Variants in MIGA2 observed in about 807,000 individuals in gnomAD.
MIGA2 encodes the protein mitoguardin 2.
MIGA2 carries 36 observed loss-of-function variants against 69.9 expected under a neutral mutation model. The ratio of observed to expected loss-of-function variants is 0.52; its 90% CI spans 0.39 to 0.68. The LOEUF (loss-of-function observed/expected upper bound fraction) is 0.68. Among genes scored for constraint, MIGA2 ranks in the 30% least tolerant of loss-of-function variants. The probability of loss-of-function intolerance (pLI) is 0.00; values close to 1 mark genes in which losing one functional copy is unlikely to be tolerated. For missense variants in MIGA2, 660 were observed against 787.7 expected (o/e 0.84, Z 1.94); for synonymous variants, 333 against 349.2 (o/e 0.95, Z 0.52).
chr9:129,053,526 G>T (rs931560562), intron 6 of MIGA2, among the ~76,000 whole-genome samples: 1 of 151,932 alleles, frequency 6.6e-6, no homozygotes, highest in Non-Finnish European at 1.5e-5. Flanking sequence ...ACCACGCCCG[G>T]CTAATTTTTT....
At chr9:129,065,735 C>T (rs775201076) in intron 11 of MIGA2, among the ~76,000 whole-genome samples, 20 of 152,128 alleles carry the variant, frequency 1.3e-4, no homozygotes, top group Admixed American at 9.2e-4. Context: ...CTGGAAGCCC[C>T]CCACACCACT....
chr9:129,040,582 C>A lies in MIGA2; in HGVS notation c.-13C>A, dbSNP rs773937481. On this transcript the variant is annotated 5_prime_UTR_variant, in exon 2 of 16. Transcript: ENST00000684074. ...TTGGCCCTGAGGACTTTGCCTGGGG[C>A]ATTGGCCCTGCCATGGCGTTCCGGA... 61 of 1,607,832 alleles carry A rather than the reference C, an allele frequency of 3.8e-5. 1 individual carries two copies. The South Asian group carries it at 6.7e-4, about 18-fold the overall frequency.
intron 11 of MIGA2, among the ~76,000 whole-genome samples, chr9:129,064,671 T>C (rs1446919692): frequency 1.3e-5 from 2 of 152,168 alleles, no homozygotes; most frequent in Non-Finnish European, 2.9e-5. Context: ...TTTGCTGCCC[T>C]GTGAGCTTCG....
intron 4 of MIGA2, 96 bp downstream of exon 4, chr9:129,048,635 T>A: frequency 1.1e-6 from 1 of 908,412 alleles, no homozygotes; most frequent in Non-Finnish European, 1.8e-6. Flanking sequence ...GTAGAGTCCA[T>A]TCATTCATTC....
rs566610223 is a variant in MIGA2 at position 129,071,378 on chromosome 9, A to G, written c.*925A>G. The G allele has an allele frequency of 7.2e-5, 11 of 152,368 alleles. No homozygotes were observed. The South Asian group carries it at 2.3e-3, about 32-fold the overall frequency. 9.4% of individuals were successfully genotyped at this position (152,368 alleles called of 1,614,324 possible). A position where few individuals can be genotyped will look rare whatever the true frequency, so the allele number is the denominator to read the frequency against. On this transcript the variant is annotated 3_prime_UTR_variant, in exon 16 of 16. Coordinates refer to ENST00000684074, the MANE Select transcript of MIGA2 (RefSeq NM_001329990.2). ...AACGCACAAACGCTCCTGGGGCCTC[A>G]TGGGGGCAGAGCCTCCCCTGGGCCT...
chr9:129,045,361 G>C (rs983301189), intron 3 of MIGA2, among the ~76,000 whole-genome samples: 2 of 139,350 alleles, frequency 1.4e-5, no homozygotes, highest in African/African-American at 5.4e-5. Context: ...AGGATCGCTT[G>C]AACCCGGGAG....
chr9:129,056,089 T>G (rs1024227115), intron 6 of MIGA2, among the ~76,000 whole-genome samples: 1 of 146,004 alleles, frequency 6.8e-6, no homozygotes, highest in African/African-American at 2.6e-5. Flanking sequence ...ATCTCATCAC[T>G]GCACTGTAGC....
chr9:129,054,446 A>T (rs1845696696), intron 6 of MIGA2, among the ~76,000 whole-genome samples: 1 of 152,216 alleles, frequency 6.6e-6, no homozygotes, highest in African/African-American at 2.4e-5. Flanking sequence ...CAATAGAGTG[A>T]GACCCTGTCT....
intron 6 of MIGA2, among the ~76,000 whole-genome samples, 176 bp from the exon 7 acceptor site, chr9:129,058,978 G>C (rs944502901): frequency 4.6e-5 from 7 of 152,238 alleles, no homozygotes; most frequent in Admixed American, 4.6e-4. Context: ...CCAGTGCTCA[G>C]CTGCCAGAAG....
intron 6 of MIGA2, among the ~76,000 whole-genome samples, chr9:129,058,402 CAAA>C (rs566828123): frequency 1.7e-4 from 10 of 58,326 alleles, no homozygotes; most frequent in Non-Finnish European, 1.5e-4. Context: ...GACCTTGTCT[CAAA>C]AAAAAAAAAA....
chr9:129,057,763 G>A (rs1038197690), intron 6 of MIGA2, among the ~76,000 whole-genome samples: 1 of 151,860 alleles, frequency 6.6e-6, no homozygotes, highest in Non-Finnish European at 1.5e-5. Flanking sequence ...ACGCCACCAC[G>A]CCCACCTAAT....
intron 1 of MIGA2, among the ~76,000 whole-genome samples, chr9:129,038,819 A>G (rs1274028372): frequency 2.6e-5 from 3 of 113,720 alleles, no homozygotes; most frequent in African/African-American, 3.6e-5. Context: ...TTTTTGTGGC[A>G]GAGTCTCGCT....
At chr9:129,051,272 A>ATTTTT (rs1350946617) in intron 6 of MIGA2, 1 of 174,690 alleles carries the variant, frequency 5.7e-6, no homozygotes, top group African/African-American at 2.7e-5. Context: ...TTATTTATTT[A>ATTTTT]TTTATTTATT....
At chr9:129,037,839 T>C (rs17485800) in intron 1 of MIGA2, among the ~76,000 whole-genome samples, 7,352 of 152,230 alleles carry the variant, frequency 0.048, 237 homozygotes, top group African/African-American at 0.095. Flanking sequence ...GCCACAGCCT[T>C]GAGATCCCCC....
chr9:129,063,067 C>G lies in MIGA2; in HGVS notation c.1011-177C>G, dbSNP rs950868588. On this transcript the variant is annotated intron_variant, in intron 9 of 15. Coordinates refer to ENST00000684074, the MANE Select transcript of MIGA2 (RefSeq NM_001329990.2). ...CATCCAGGCAGCCTCGTCCTTTGGC[C>G]TGGGAAGACCAAGGCCTCAAGGGAG... 2.6e-4 allele frequency: 161 copies of G among 627,868 alleles called. 1 individual carries two copies. In the South Asian group the frequency reaches 3.1e-3, roughly 12 times the overall value. The allele number at this position is 627,868 out of a possible 1,614,324, so 38.9% of individuals were successfully genotyped here.
rs1455278974 is a variant in MIGA2 at position 129,070,501 on chromosome 9, C to T, written c.*48C>T. 2 of 1,465,584 alleles carry T rather than the reference C, an allele frequency of 1.4e-6. No homozygotes were observed. The highest frequency in any genetic ancestry group is 2.4e-5 in the Admixed American group (1 of 42,018). The allele number at this position is 1,465,584 out of a possible 1,614,324, so 90.8% of individuals were successfully genotyped here. A position where few individuals can be genotyped will look rare whatever the true frequency, so the allele number is the denominator to read the frequency against. On this transcript the variant is annotated 3_prime_UTR_variant, in exon 16 of 16. Transcript: ENST00000684074. ...GCAGAGAGAAGGCTCCTCCTCCCTT[C>T]CCTGGGTTGGTATCTGACAGCTGTG...
rs751264954 is a variant in MIGA2, at chr9:129,042,466, G to A, written c.259G>A (p.Val87Met). The A allele has an allele frequency of 8.1e-6, 13 of 1,604,602 alleles. No homozygotes were observed. The African/African-American group carries it at 1.6e-4, about 20-fold the overall frequency. The change falls in exon 3 of 16, where the codon GTG becomes ATG. Residue 87 changes from valine to methionine, a missense_variant. Coordinates refer to ENST00000684074, the MANE Select transcript of MIGA2 (RefSeq NM_001329990.2). ...PEMGGEQLGT[V>M]PLPILLARKV... ...GATGGGAGGGGAGCAGCTGGGCACG[G>A]TGCCCCTCCCTATCCTCTTGGCCAG...
chr9:129,049,683 G>T, intron 5 of MIGA2, 144 bp from the exon 6 acceptor site: 2 of 1,350,154 alleles, frequency 1.5e-6, no homozygotes, highest in Non-Finnish European at 2.1e-6. Context: ...CTGAAAGAAG[G>T]CCTGGAACCT....
In MIGA2 at chr9:129,059,034, T is replaced by A. The variant is rs1399953635; in HGVS notation, c.676-120T>A. 5.1e-6 allele frequency: 4 copies of A among 786,588 alleles called. No individual in the cohort carries two copies. Among genetic ancestry groups the A allele is most frequent in the Non-Finnish European group, 8.4e-6 (4 of 478,920 alleles). The allele number at this position is 786,588 out of a possible 1,614,324, so 48.7% of individuals were successfully genotyped here. A position where few individuals can be genotyped will look rare whatever the true frequency, so the allele number is the denominator to read the frequency against. On this transcript the variant is annotated intron_variant, in intron 6 of 15. Transcript: ENST00000684074. This position sits in a 1 kb window ranked among gnomAD's most constrained non-coding sequence, Gnocchi z 5.6. The stretch of plus-strand genomic sequence containing the variant: ...GAGCAGTGAAGTTTTGGAGTTTATG[T>A]GCTTAGCTGCTGGGTCCTAGAGCTC...
Sources: allele counts gnomAD v4.1 joint callset (sites outside exome capture counted in the v4.1 genomes callset), GRCh38; gene constraint gnomAD v4.1.1; non-coding constraint Gnocchi (gnomAD v3.1); transcripts MANE v1.5; gene names NCBI Gene and HGNC (gene_info 2026-07-23, HGNC 2026-07-21).